CFAP91: variants seen among roughly 807,000 people sequenced by gnomAD.
CFAP91 encodes cilia and flagella associated protein 91.
Under a neutral mutation model 95.9 loss-of-function variants are expected in CFAP91, and 85 were observed. The ratio of observed to expected loss-of-function variants is 0.89; its 90% CI spans 0.74 to 1.06. CFAP91 has a LOEUF of 1.06. CFAP91 is among the 50% of genes least tolerant of loss of function. The pLI is 0.00. For missense variants in CFAP91, 962 were observed against 943.4 expected (o/e 1.02, Z -0.26); for synonymous variants, 335 against 327.5 (o/e 1.02, Z -0.25).
chr3:119,717,990 G>C (rs138669144), intron 6 of CFAP91, among the ~76,000 whole-genome samples: 338 of 152,182 alleles, frequency 2.2e-3, no homozygotes, highest in African/African-American at 7.8e-3. Flanking sequence ...TGATGAGCAG[G>C]GTTCTAAGAA....
At chr3:119,742,111 C>T (rs1287042790) in intron 13 of CFAP91, among the ~76,000 whole-genome samples, 1 of 152,216 alleles carries the variant, frequency 6.6e-6, no homozygotes, top group African/African-American at 2.4e-5. Flanking sequence ...GTGGGTATAG[C>T]TAAGCTAACC....
intron 6 of CFAP91, among the ~76,000 whole-genome samples, chr3:119,721,718 A>G (rs899491163): frequency 2.0e-5 from 3 of 152,380 alleles, no homozygotes; most frequent in East Asian, 1.9e-4. Context: ...GTGCAGCAAG[A>G]TAAGAGAAAA....
At position 119,747,226 on chromosome 3, in the gene CFAP91, G is replaced by T; in HGVS notation, c.2014G>T (p.Glu672Ter). ...QARAEIEKMA[E>*]KINDIAYEME... ...CAGGGCAGAAATAGAGAAGATGGCT[G>T]AGAAAATCAATGACATTGCTTATGA... The change falls in exon 15 of 18, where the codon GAG (glutamate) becomes TAG (stop). Residue 672 changes from glutamate to a stop codon, truncating the protein, a stop_gained. Coordinates refer to ENST00000273390, the MANE Select transcript of CFAP91 (RefSeq NM_033364.4). LOFTEE classifies it high-confidence loss of function. 6.2e-7 allele frequency: 1 copy of T among 1,613,660 alleles called. No individual in the cohort carries two copies. The highest frequency in any genetic ancestry group is 8.5e-7 in the Non-Finnish European group (1 of 1,179,748).
At chr3:119,746,534 T>C (rs530534546) in intron 14 of CFAP91, among the ~76,000 whole-genome samples, 1 of 152,344 alleles carries the variant, frequency 6.6e-6, no homozygotes, top group Admixed American at 6.5e-5. Context: ...TCCAGCATTA[T>C]GTCCTCATGA....
At chr3:119,724,506 A>G (rs925654730) in intron 6 of CFAP91, among the ~76,000 whole-genome samples, 2 of 152,170 alleles carry the variant, frequency 1.3e-5, no homozygotes, top group African/African-American at 4.8e-5. Context: ...GCCACGCAAG[A>G]CCCACCAAAT....
intron 6 of CFAP91, among the ~76,000 whole-genome samples, chr3:119,722,099 G>C (rs1452465492): frequency 6.6e-6 from 1 of 150,394 alleles, no homozygotes; most frequent in Non-Finnish European, 1.5e-5. Context: ...GAGCCCAGGG[G>C]TTCAAGGTTA....
At chr3:119,763,874 T>C (rs912054637) in intron 17 of CFAP91, among the ~76,000 whole-genome samples, 1 of 152,124 alleles carries the variant, frequency 6.6e-6, no homozygotes, top group African/African-American at 2.4e-5. Flanking sequence ...GGATACAAAA[T>C]TTCTGTTAGG....
intron 14 of CFAP91, among the ~76,000 whole-genome samples, chr3:119,746,540 C>T (rs1486599437): frequency 6.6e-6 from 1 of 152,168 alleles, no homozygotes; most frequent in East Asian, 1.9e-4. Flanking sequence ...ATTATGTCCT[C>T]ATGAAAGGAG....
In CFAP91 at chr3:119,737,402, A is replaced by G; in HGVS notation, c.1381A>G (p.Lys461Glu). ...TAAGAAGAATAAAGTTCTTGAAGTA[A>G]AGAAACCCCCTCGCTTCCTTCAAAG... ...LDKKNKVLEV[K>E]KPPRFLQRNP... is the part of the protein sequence containing the mutation. The change falls in exon 11 of 18, where the codon AAG becomes GAG. Residue 461 changes from lysine to glutamate, a missense_variant. Lys to Glu is a moderately conservative substitution (Grantham distance 56). Transcript: ENST00000273390. The G allele has an allele frequency of 6.2e-7, 1 of 1,610,310 alleles. No homozygotes were observed. The highest frequency in any genetic ancestry group is 1.7e-5 in the Admixed American group (1 of 59,360).
intron 16 of CFAP91, 140 bp from the exon 17 acceptor site, chr3:119,750,797 A>G: frequency 1.2e-6 from 1 of 858,306 alleles, no homozygotes; most frequent in South Asian, 1.6e-5. Flanking sequence ...GTGGGAACAG[A>G]GGGAGCAGAA....
chr3:119,717,797 G>T (rs1286358155), intron 6 of CFAP91, among the ~76,000 whole-genome samples: 7 of 152,036 alleles, frequency 4.6e-5, no homozygotes, highest in Admixed American at 4.6e-4. Flanking sequence ...CTGCCATTTG[G>T]CCCCACCTTG....
intron 5 of CFAP91, among the ~76,000 whole-genome samples, chr3:119,711,906 G>C (rs2053479394): frequency 6.6e-6 from 1 of 152,248 alleles, no homozygotes; most frequent in Non-Finnish European, 1.5e-5. Flanking sequence ...TCTCTGTACA[G>C]CTCTGTTGGG....
intron 6 of CFAP91, chr3:119,716,017 T>C (rs2053567959): frequency 1.8e-6 from 1 of 560,890 alleles, no homozygotes; most frequent in Non-Finnish European, 3.1e-6. Flanking sequence ...CTATGTCCTC[T>C]CATTTCTCTC....
chr3:119,707,267 G>A (rs1024349284), intron 2 of CFAP91, 137 bp from the exon 3 acceptor site: 12 of 614,488 alleles, frequency 2.0e-5, no homozygotes, highest in African/African-American at 5.5e-5. Flanking sequence ...GATATTTTAC[G>A]CATACAGCAA....
chr3:119,708,894 T>C (rs1165239128), intron 4 of CFAP91, among the ~76,000 whole-genome samples: 1 of 152,196 alleles, frequency 6.6e-6, no homozygotes, highest in Non-Finnish European at 1.5e-5. Context: ...AGATGATAAA[T>C]AGATTGCTCA....
rs556125660 is a variant in CFAP91, at chr3:119,738,332, C to CTTTTTTTTTTTTT, written c.1461+872_1461+884dup. Among the ~76,000 whole-genome samples, 62 of 23,076 alleles carry CTTTTTTTTTTTTT rather than the reference C, an allele frequency of 2.7e-3. 18 individuals carry two copies. The highest frequency in any genetic ancestry group is 0.014 in the East Asian group (7 of 498). 15.1% of individuals were successfully genotyped at this position (23,076 alleles called of 152,430 possible). A position where few individuals can be genotyped will look rare whatever the true frequency, so the allele number is the denominator to read the frequency against. On this transcript the variant is annotated intron_variant, in intron 11 of 17. Coordinates refer to ENST00000273390, the MANE Select transcript of CFAP91 (RefSeq NM_033364.4). Reference sequence around the variant, plus strand: ...TGCAGGGCTTTGGTTGACATATTGTCTTTTTTTTTTTTTTTTTTTTTTTTT... The same window carrying CTTTTTTTTTTTTT: ...TGCAGGGCTTTGGTTGACATATTGTCTTTTTTTTTTTTTTTTTTTTTTTTTTTTTTTTTTTTTT...
chr3:119,755,918 G>A (rs1372474398), intron 17 of CFAP91, among the ~76,000 whole-genome samples: 1 of 152,198 alleles, frequency 6.6e-6, no homozygotes, highest in Non-Finnish European at 1.5e-5. Flanking sequence ...ACAGAAGAGA[G>A]AGAAGGATAG....
At position 119,729,789 on chromosome 3, in the gene CFAP91, A is replaced by T. The variant is rs552725292; in HGVS notation, c.861-431A>T. On this transcript the variant is annotated intron_variant, in intron 7 of 17. Coordinates refer to ENST00000273390, the MANE Select transcript of CFAP91 (RefSeq NM_033364.4). Reference sequence around the variant, plus strand: ...GAAAGGAAACAAACATTTGTTGAGTACCTATTATATGCCAGGAACTGGCAT... The same window carrying T: ...GAAAGGAAACAAACATTTGTTGAGTTCCTATTATATGCCAGGAACTGGCAT... Among the ~76,000 whole-genome samples, 3 of 152,330 alleles carry T rather than the reference A, an allele frequency of 2.0e-5. No homozygotes were observed. The East Asian group carries it at 5.8e-4, about 29-fold the overall frequency.
Position 119,767,085 on chromosome 3 carries a change from A to T in CFAP91, c.*2035A>T, listed in dbSNP as rs1334782864. 6.6e-6 allele frequency: 1 copy of T among 152,230 alleles called. No homozygotes were observed. The highest frequency in any genetic ancestry group is 1.5e-5 in the Non-Finnish European group (1 of 68,038). The allele number at this position is 152,230 out of a possible 1,614,324, so 9.4% of individuals were successfully genotyped here. ...TAAAACACCTATAGTGACAATAAAA[A>T]CACACATTTAAAGCCAAGTGGTCAT... On this transcript the variant is annotated 3_prime_UTR_variant, in exon 18 of 18. Coordinates refer to ENST00000273390, the MANE Select transcript of CFAP91 (RefSeq NM_033364.4).
Sources: gnomAD v4.1 joint callset for allele counts (sites outside exome capture counted in the v4.1 genomes callset) on GRCh38, gnomAD v4.1.1 for gene constraint, MANE v1.5 for transcripts, NCBI Gene and HGNC (gene_info 2026-07-23, HGNC 2026-07-21) for gene names.